Variants in DAPK1 observed in about 807,000 individuals in gnomAD.
DAPK1 encodes death-associated protein kinase 1.
A neutral mutation model predicts 144.9 loss-of-function variants in DAPK1; 56 were observed. That is an observed-to-expected ratio of 0.39 (90% CI 0.31 to 0.48). The LOEUF (loss-of-function observed/expected upper bound fraction) is 0.48, where lower values mean the gene tolerates loss of function less well. DAPK1 is among the 20% of genes least tolerant of loss of function. The probability of loss-of-function intolerance (pLI) is 0.95; values close to 1 mark genes in which losing one functional copy is unlikely to be tolerated. For missense variants in DAPK1, 1,454 were observed against 1,875.4 expected (o/e 0.78, Z 4.15); for synonymous variants, 690 against 749.0 (o/e 0.92, Z 1.29).
intron 2 of DAPK1, among the ~76,000 whole-genome samples, chr9:87,557,113 A>T (rs1471218278): frequency 6.6e-6 from 1 of 152,012 alleles, no homozygotes; most frequent in African/African-American, 2.4e-5. Context: ...GGGAGGAGCA[A>T]CTCTTCCTCA....
chr9:87,628,703 C>T (rs986675751), intron 3 of DAPK1, among the ~76,000 whole-genome samples: 2 of 152,176 alleles, frequency 1.3e-5, no homozygotes, highest in African/African-American at 4.8e-5. Flanking sequence ...CACTCCTTCA[C>T]GCTGTATACA....
chr9:87,515,923 C>T (rs972475154), intron 2 of DAPK1, among the ~76,000 whole-genome samples: 15 of 152,276 alleles, frequency 9.9e-5, no homozygotes, highest in African/African-American at 3.6e-4. Context: ...AGCCTCCCCC[C>T]ATTTCCCTGC....
At chr9:87,626,518 G>A (rs978404630) in intron 3 of DAPK1, among the ~76,000 whole-genome samples, 2 of 152,208 alleles carry the variant, frequency 1.3e-5, no homozygotes, top group African/African-American at 4.8e-5. Flanking sequence ...AGGAATATAA[G>A]GTTATGCAGC....
At chr9:87,640,494 C>T (rs1212815137) in intron 8 of DAPK1, 44 bp downstream of exon 8, 3 of 1,595,570 alleles carry the variant, frequency 1.9e-6, no homozygotes, top group Non-Finnish European at 2.6e-6. Flanking sequence ...ACGGCCTCAG[C>T]CAGCCCAGAG....
At chr9:87,505,045 C>T (rs1315639859) in intron 2 of DAPK1, among the ~76,000 whole-genome samples, 1 of 152,130 alleles carries the variant, frequency 6.6e-6, no homozygotes, top group Non-Finnish European at 1.5e-5. Flanking sequence ...GCTCTTCCAC[C>T]TTGTTCTCTT....
intron 22 of DAPK1, chr9:87,698,327 C>T (rs1201887204): frequency 1.3e-5 from 3 of 223,444 alleles, no homozygotes; most frequent in Non-Finnish European, 2.7e-5. Flanking sequence ...GTCTTGTAAG[C>T]GGCATCCCTT....
At position 87,646,402 on chromosome 9, in the gene DAPK1, T is replaced by G. The variant is rs994892483; in HGVS notation, c.1132-59T>G. 27 of 1,257,758 alleles carry G rather than the reference T, an allele frequency of 2.1e-5. No homozygotes were observed. In the African/African-American group the frequency reaches 2.5e-4, roughly 12 times the overall value. The allele number at this position is 1,257,758 out of a possible 1,614,324, so 77.9% of individuals were successfully genotyped here. ...GTGTGTGGTAACAGCAATCATCGTT[T>G]GGGCTTTTCCTTTCCTACCAAACCT... On this transcript the variant is annotated intron_variant, in intron 12 of 25. Coordinates refer to ENST00000408954, the MANE Select transcript of DAPK1 (RefSeq NM_004938.4).
At chr9:87,659,392 G>A (rs773544471) in intron 18 of DAPK1, among the ~76,000 whole-genome samples, 6 of 152,170 alleles carry the variant, frequency 3.9e-5, no homozygotes, top group Non-Finnish European at 8.8e-5. Flanking sequence ...CCATTGTCAA[G>A]CCCTGCCCAG....
At chr9:87,632,462 A>AT (rs1782176296) in intron 3 of DAPK1, 1 of 981,704 alleles carries the variant, frequency 1.0e-6, no homozygotes, top group South Asian at 4.7e-5. Flanking sequence ...ATGAGTATAT[A>AT]TATAGGAATG....
chr9:87,702,909 C>T (rs1825504122), intron 24 of DAPK1, 120 bp from the exon 25 acceptor site: 1 of 630,988 alleles, frequency 1.6e-6, no homozygotes, highest in Admixed American at 2.6e-5. Context: ...ACAAAAAAAC[C>T]CACTCGTTCA....
intron 2 of DAPK1, among the ~76,000 whole-genome samples, chr9:87,509,280 G>T (rs1271680334): frequency 6.6e-6 from 1 of 152,142 alleles, no homozygotes; most frequent in Non-Finnish European, 1.5e-5. Context: ...GGCAAAAAGC[G>T]CTAAAAAGTT....
intron 4 of DAPK1, 43 bp downstream of exon 4, chr9:87,638,124 AC>A: frequency 6.4e-7 from 1 of 1,556,386 alleles, no homozygotes; most frequent in Non-Finnish European, 8.7e-7. Flanking sequence ...TGTGCAGATC[AC>A]AGCCTTGGTT....
chr9:87,688,099 C>A (rs1353858561), intron 21 of DAPK1, among the ~76,000 whole-genome samples: 1 of 151,254 alleles, frequency 6.6e-6, no homozygotes, highest in Non-Finnish European at 1.5e-5. Flanking sequence ...TCCCTCCCAC[C>A]CCCTCTAGTA....
intron 3 of DAPK1, 64 bp downstream of exon 3, chr9:87,605,239 C>A: frequency 1.5e-6 from 2 of 1,357,348 alleles, no homozygotes; most frequent in Non-Finnish European, 2.1e-6. Flanking sequence ...ATCTTCGTTC[C>A]AGCTGGACCA....
chr9:87,708,060 G>A lies in DAPK1; in HGVS notation c.*696G>A, dbSNP rs1404380112. 3.2e-6 allele frequency: 1 copy of A among 310,824 alleles called. No individual in the cohort carries two copies. The highest frequency in any genetic ancestry group is 2.2e-5 in the African/African-American group (1 of 45,394). 19.3% of individuals were successfully genotyped at this position (310,824 alleles called of 1,614,324 possible). ...TCTGACAGTTTTTCTGTTTTGTTTG[G>A]CAAGGAAAGGGGAGAAGGGAATCCT... On this transcript the variant is annotated 3_prime_UTR_variant, in exon 26 of 26. Coordinates refer to ENST00000408954, the MANE Select transcript of DAPK1 (RefSeq NM_004938.4).
rs71507734 is a variant in DAPK1 at position 87,662,560 on chromosome 9, G to GTTTTTTTTTTTTTTTTTTTTTTTTTT, written c.1923+4458_1923+4459insTTTTTTTTTTTTTTTTTTTTTTTTTT. On this transcript the variant is annotated intron_variant, in intron 18 of 25. Transcript: ENST00000408954. The stretch of plus-strand genomic sequence containing the variant: ...ACCTCCTTGGTTAAATATATTCCTA[G>GTTTTTTTTTTTTTTTTTTTTTTTTTT]TTTTTTTTTTTTTTTTTTTTTTTTT... 1.9e-4 allele frequency among the ~76,000 whole-genome samples: 6 copies of GTTTTTTTTTTTTTTTTTTTTTTTTTT among 32,134 alleles called. 1 individual carries two copies. The highest frequency in any genetic ancestry group is 3.1e-4 in the Non-Finnish European group (6 of 19,426). The allele number at this position is 32,134 out of a possible 152,430, so 21.1% of individuals were successfully genotyped here.
Position 87,698,774 on chromosome 9 carries a change from G to A in DAPK1, c.2730G>A (p.Leu910=). 1 of 1,608,040 alleles carries A rather than the reference G, an allele frequency of 6.2e-7. No homozygotes were observed. The highest frequency in any genetic ancestry group is 8.5e-7 in the Non-Finnish European group (1 of 1,174,552). Residue 910 remains leucine, a synonymous_variant, in exon 23 of 26, where the codon TTG becomes TTA. Transcript: ENST00000408954. ...TTGGATATGACAAAGACACATCGTT[G>A]CTGAAAGAGATTAGGAACAGGTGAG... is the stretch of plus-strand genomic sequence containing the variant. ...GEFGYDKDTS[L]LKEIRNRFGN...
At position 87,706,743 on chromosome 9, in the gene DAPK1, C is replaced by T. The variant is rs1217368280; in HGVS notation, c.3672C>T (p.Ala1224=). 3 of 1,613,358 alleles carry T rather than the reference C, an allele frequency of 1.9e-6. No homozygotes were observed. The highest frequency in any genetic ancestry group is 2.2e-5 in the East Asian group (1 of 44,860). Residue 1224 remains alanine (A), a synonymous_variant, in exon 26 of 26, where the codon GCC becomes GCT. Transcript: ENST00000408954. The surrounding 1 kb of genome is among the most constrained non-coding windows in gnomAD (Gnocchi z 9.0). ...SVCSTIENVM[A]TTLPGLLTVK... is the part of the protein sequence containing the mutation. ...GCAGCACCATTGAGAACGTCATGGC[C>T]ACCACGCTGCCAGGGCTCCTGACCG... is the stretch of plus-strand genomic sequence containing the variant.
intron 2 of DAPK1, among the ~76,000 whole-genome samples, chr9:87,600,251 A>G (rs775459716): frequency 6.6e-6 from 1 of 152,200 alleles, no homozygotes; most frequent in South Asian, 2.1e-4. Flanking sequence ...CATGTCCACA[A>G]GTGACTGTGA....
Sources: gnomAD v4.1 joint callset for allele counts (sites outside exome capture counted in the v4.1 genomes callset) on GRCh38, gnomAD v4.1.1 for gene constraint, Gnocchi (gnomAD v3.1) non-coding constraint, MANE v1.5 for transcripts, NCBI Gene and HGNC (gene_info 2026-07-23, HGNC 2026-07-21) for gene names.